The following SHISA9 variants were observed in gnomAD, a reference collection of about 807,000 sequenced individuals.
SHISA9 encodes the protein protein shisa-9.
In SHISA9, 13 loss-of-function variants were observed where a neutral mutation model predicts 38.0. The ratio of observed to expected loss-of-function variants is 0.34; its 90% CI spans 0.22 to 0.54. The LOEUF (loss-of-function observed/expected upper bound fraction) is 0.54, where lower values mean the gene tolerates loss of function less well. Ranked by LOEUF, SHISA9 falls within the 20% of genes least tolerant of loss-of-function variation. The pLI is 0.91. For missense variants in SHISA9, 538 were observed against 575.8 expected (o/e 0.93, Z 0.67); for synonymous variants, 275 against 242.0 (o/e 1.14, Z -1.27).
the SHISA9 span, among the ~76,000 whole-genome samples, chr16:13,266,721 G>A: frequency 7.2e-5 from 11 of 152,150 alleles, no homozygotes; most frequent in African/African-American, 2.2e-4. Flanking sequence ...AATTGAGTAG[G>A]TAGTGGTGGG....
chr16:13,545,209 C>T, the SHISA9 span, among the ~76,000 whole-genome samples: 2 of 152,198 alleles, frequency 1.3e-5, no homozygotes, highest in African/African-American at 4.8e-5. Context: ...TGTCCAAGAT[C>T]GCACACTGGT....
chr16:13,126,851 A>G (rs2050262465), intron 2 of SHISA9, among the ~76,000 whole-genome samples: 1 of 89,290 alleles, frequency 1.1e-5, no homozygotes, highest in South Asian at 3.7e-4. Flanking sequence ...GACTGAGGGA[A>G]AGAAAGAGAG....
At chr16:13,343,732 A>C in the SHISA9 span, among the ~76,000 whole-genome samples, 1 of 152,174 alleles carries the variant, frequency 6.6e-6, no homozygotes, top group South Asian at 2.1e-4. Flanking sequence ...TTGTATGTTT[A>C]AAAGTGTAAG....
chr16:13,000,038 A>C (rs1017013054), intron 2 of SHISA9, among the ~76,000 whole-genome samples: 1 of 152,024 alleles, frequency 6.6e-6, no homozygotes, highest in African/African-American at 2.4e-5. Flanking sequence ...TAACAATTTG[A>C]CTCCCTTATA....
At chr16:13,054,271 A>C (rs2073285342) in intron 2 of SHISA9, among the ~76,000 whole-genome samples, 1 of 152,094 alleles carries the variant, frequency 6.6e-6, no homozygotes, top group Non-Finnish European at 1.5e-5. Flanking sequence ...GATGATCTTC[A>C]CCTTACAGGG....
At chr16:13,190,991 C>T (rs542950063) in intron 2 of SHISA9, among the ~76,000 whole-genome samples, 1 of 151,922 alleles carries the variant, frequency 6.6e-6, no homozygotes, top group Non-Finnish European at 1.5e-5. Context: ...CTACATAAAC[C>T]TTTTCTGATG....
chr16:13,434,108 G>T, the SHISA9 span, among the ~76,000 whole-genome samples: 1 of 152,286 alleles, frequency 6.6e-6, no homozygotes, highest in African/African-American at 2.4e-5. Context: ...GAGTCCCAAA[G>T]CTGAAGAACC....
At chr16:12,944,139 G>T (rs1198066874) in intron 2 of SHISA9, among the ~76,000 whole-genome samples, 1 of 152,156 alleles carries the variant, frequency 6.6e-6, no homozygotes, top group Non-Finnish European at 1.5e-5. Flanking sequence ...TGTCTTGGTT[G>T]AAAACCACTG....
At chr16:13,541,752 G>A in the SHISA9 span, among the ~76,000 whole-genome samples, 2 of 152,176 alleles carry the variant, frequency 1.3e-5, no homozygotes, top group Non-Finnish European at 2.9e-5. Context: ...AAAAGGGAGA[G>A]TCCTCAAAAG....
intron 2 of SHISA9, among the ~76,000 whole-genome samples, chr16:13,003,886 TAATAAG>T (rs999465209): frequency 6.8e-5 from 10 of 146,104 alleles, no homozygotes; most frequent in South Asian, 2.2e-4. Context: ...ATAATAATAA[TAATAAG>T]AAGAAGAAGA....
chr16:12,962,733 A>G (rs1050729953), intron 2 of SHISA9, among the ~76,000 whole-genome samples: 5 of 152,194 alleles, frequency 3.3e-5, no homozygotes, highest in African/African-American at 1.2e-4. Context: ...CAACTGGTCT[A>G]TGGTATTGTG....
At chr16:13,528,587 A>G in the SHISA9 span, among the ~76,000 whole-genome samples, 2 of 151,930 alleles carry the variant, frequency 1.3e-5, no homozygotes, top group Non-Finnish European at 2.9e-5. Context: ...ATTTTTTTGG[A>G]GGTCATAGAA....
At chr16:13,115,683 C>T (rs897224456) in intron 2 of SHISA9, among the ~76,000 whole-genome samples, 10 of 152,166 alleles carry the variant, frequency 6.6e-5, no homozygotes, top group African/African-American at 1.4e-4. Flanking sequence ...CTCCCAACAC[C>T]GTATGCCCCA....
chr16:13,049,160 G>A (rs755814105), intron 2 of SHISA9, among the ~76,000 whole-genome samples: 1 of 9,056 alleles, frequency 1.1e-4, no homozygotes, highest in East Asian at 2.0e-3. Context: ...AGGAGTATGT[G>A]TGTGTGTGTG....
chr16:13,244,814 G>C (rs2051460311), downstream of SHISA9, among the ~76,000 whole-genome samples: 1 of 152,212 alleles, frequency 6.6e-6, no homozygotes, highest in African/African-American at 2.4e-5. Flanking sequence ...ACAATTCTTT[G>C]AGCTATCTGC....
intron 2 of SHISA9, among the ~76,000 whole-genome samples, chr16:13,015,898 CTT>C (rs1176382487): frequency 0.012 from 1,420 of 114,824 alleles, 18 homozygotes; most frequent in East Asian, 0.035. Flanking sequence ...TTCTTTCTTT[CTT>C]TCTTTCTTTT....
chr16:13,245,753 C>T, the SHISA9 span, among the ~76,000 whole-genome samples: 1 of 152,104 alleles, frequency 6.6e-6, no homozygotes, highest in African/African-American at 2.4e-5. Context: ...TTTTTTAAAA[C>T]TGATAGTATT....
chr16:13,370,642 T>A, the SHISA9 span, among the ~76,000 whole-genome samples: 1 of 152,180 alleles, frequency 6.6e-6, no homozygotes, highest in African/African-American at 2.4e-5. Flanking sequence ...AATGTCTTGT[T>A]CAGTTAGTTA....
the SHISA9 span, among the ~76,000 whole-genome samples, chr16:13,483,851 C>T: frequency 6.6e-6 from 1 of 152,066 alleles, no homozygotes; most frequent in Non-Finnish European, 1.5e-5. Context: ...TCCCATACCT[C>T]ACCCTACACA....
Sources: allele counts gnomAD v4.1 joint callset (sites outside exome capture counted in the v4.1 genomes callset), GRCh38; gene constraint gnomAD v4.1.1; transcripts MANE v1.5; gene names NCBI Gene and HGNC (gene_info 2026-07-23, HGNC 2026-07-21).